CNTLN: variants seen among roughly 807,000 people sequenced by gnomAD.
The protein encoded by CNTLN is centlein.
CNTLN carries 212 observed loss-of-function variants against 180.0 expected under a neutral mutation model. That is an observed-to-expected ratio of 1.18 (90% CI 1.05 to 1.32). The LOEUF (loss-of-function observed/expected upper bound fraction) is 1.32. Among genes scored for constraint, CNTLN ranks in the 40% most tolerant of loss-of-function variants. CNTLN has a pLI of 0.00. For missense variants in CNTLN, 2,095 were observed against 1,610.9 expected (o/e 1.30, Z -5.14); for synonymous variants, 722 against 563.1 (o/e 1.28, Z -3.99).
intron 12 of CNTLN, among the ~76,000 whole-genome samples, chr9:17,352,370 C>T (rs1481386189): frequency 6.8e-6 from 1 of 147,984 alleles, no homozygotes; most frequent in African/African-American, 2.5e-5. Flanking sequence ...AAGCAAGACT[C>T]CCAATCTTCT....
intron 7 of CNTLN, among the ~76,000 whole-genome samples, chr9:17,302,297 A>T (rs1160860755): frequency 6.6e-6 from 1 of 151,744 alleles, no homozygotes; most frequent in Non-Finnish European, 1.5e-5. Context: ...CCCAGGCTTC[A>T]AGCAATTCCC....
intron 18 of CNTLN, among the ~76,000 whole-genome samples, chr9:17,423,584 A>G (rs1828878441): frequency 6.6e-6 from 1 of 152,144 alleles, no homozygotes; most frequent in African/African-American, 2.4e-5. Context: ...ACTTCAGTTC[A>G]ACTGGCTCCA....
At chr9:17,433,566 G>A (rs554711029) in intron 18 of CNTLN, among the ~76,000 whole-genome samples, 5 of 151,962 alleles carry the variant, frequency 3.3e-5, no homozygotes, top group South Asian at 2.1e-4. Context: ...GATTACAGGC[G>A]TGAGCCACCG....
At chr9:17,450,995 A>G (rs1830747570) in intron 18 of CNTLN, among the ~76,000 whole-genome samples, 1 of 152,184 alleles carries the variant, frequency 6.6e-6, no homozygotes, top group South Asian at 2.1e-4. Flanking sequence ...TATGGAAAAT[A>G]TTTGTTAATG....
At chr9:17,404,518 G>T (rs746178310) in intron 15 of CNTLN, among the ~76,000 whole-genome samples, 1 of 151,564 alleles carries the variant, frequency 6.6e-6, no homozygotes, top group East Asian at 1.9e-4. Flanking sequence ...GCTAAAAAGC[G>T]TCAAAAGGAG....
Position 17,362,110 on chromosome 9 carries a change from T to C in CNTLN, c.1887-4507T>C, listed in dbSNP as rs541855547. On this transcript the variant is annotated intron_variant, in intron 12 of 25. Coordinates refer to ENST00000380647, the MANE Select transcript of CNTLN (RefSeq NM_017738.4). ...AAAAGTAGGGACTGTGTGTGTTCTT[T>C]CCAAAAGAAACAAGCTGTAAGTATA... is the stretch of plus-strand genomic sequence containing the variant. Among the ~76,000 whole-genome samples the C allele has an allele frequency of 2.8e-4, 43 of 152,294 alleles. 1 individual carries two copies. The highest frequency in any genetic ancestry group is 1.0e-3 in the African/African-American group (42 of 41,544).
chr9:17,309,001 C>G (rs138988934), intron 7 of CNTLN, 57 bp from the exon 8 acceptor site: 10 of 1,198,370 alleles, frequency 8.3e-6, no homozygotes, highest in South Asian at 1.8e-5. Context: ...CACACAGACA[C>G]ACAGACACAT....
chr9:17,235,645 T>A lies in CNTLN; in HGVS notation c.535-13T>A, dbSNP rs79772556. On this transcript the variant is annotated splice_polypyrimidine_tract_variant and intron_variant, in intron 3 of 25. Transcript: ENST00000380647. ...AATAAAAGCTCACCAGTAATTTAAA[T>A]TTTTTTCCACAGAGAGAGTCAGTAC... is the stretch of plus-strand genomic sequence containing the variant. 2.0e-5 allele frequency: 2 copies of A among 100,566 alleles called. No homozygotes were observed. Among genetic ancestry groups the A allele is most frequent in the Non-Finnish European group, 2.3e-5 (2 of 86,558 alleles). 6.2% of individuals were successfully genotyped at this position (100,566 alleles called of 1,614,324 possible).
chr9:17,523,390 C>T, the CNTLN span, among the ~76,000 whole-genome samples: 1 of 152,070 alleles, frequency 6.6e-6, no homozygotes, highest in Non-Finnish European at 1.5e-5. Context: ...GTGTCCACCA[C>T]CACACCTGTC....
intron 3 of CNTLN, among the ~76,000 whole-genome samples, chr9:17,230,831 C>CA (rs1161554461): frequency 2.6e-5 from 4 of 151,996 alleles, no homozygotes. Flanking sequence ...CCTCTGAGTA[C>CA]TGCTTGCCCC....
chr9:17,385,496 T>G (rs1428644373), intron 13 of CNTLN, among the ~76,000 whole-genome samples: 1 of 152,152 alleles, frequency 6.6e-6, no homozygotes, highest in East Asian at 1.9e-4. Flanking sequence ...GAAAGGAGCT[T>G]GTTATGCTTT....
intron 3 of CNTLN, among the ~76,000 whole-genome samples, chr9:17,229,804 G>C (rs1824699435): frequency 6.6e-6 from 1 of 152,036 alleles, no homozygotes; most frequent in African/African-American, 2.4e-5. Flanking sequence ...AAACAGCTGG[G>C]GTAAATAGGT....
chr9:17,410,235 T>G (rs1427873434), intron 16 of CNTLN, among the ~76,000 whole-genome samples: 1 of 152,148 alleles, frequency 6.6e-6, no homozygotes, highest in African/African-American at 2.4e-5. Context: ...CTTTCTCATT[T>G]CAGCTACTTT....
intron 25 of CNTLN, 171 bp downstream of exon 25, chr9:17,487,237 G>C (rs1832939101): frequency 1.6e-6 from 1 of 606,472 alleles, no homozygotes; most frequent in African/African-American, 1.9e-5. Context: ...TGTACTTTGG[G>C]ACTTAACAAA....
intron 5 of CNTLN, among the ~76,000 whole-genome samples, chr9:17,251,525 C>T (rs1826141533): frequency 2.0e-5 from 3 of 151,788 alleles, no homozygotes; most frequent in South Asian, 4.2e-4. Flanking sequence ...GCTGCTGAAC[C>T]CTCTAGTGAA....
chr9:17,519,779 G>T, the CNTLN span, among the ~76,000 whole-genome samples: 1 of 152,156 alleles, frequency 6.6e-6, no homozygotes, highest in Admixed American at 6.5e-5. Flanking sequence ...ATGCAGAGAG[G>T]ATGAGAAGGT....
intron 21 of CNTLN, among the ~76,000 whole-genome samples, chr9:17,465,507 T>C (rs1831695536): frequency 6.6e-6 from 1 of 150,390 alleles, no homozygotes; most frequent in African/African-American, 2.4e-5. Context: ...CTGTTATGCT[T>C]TGAGTTACAT....
chr9:17,305,025 A>T (rs1226418538), intron 7 of CNTLN, among the ~76,000 whole-genome samples: 1 of 152,168 alleles, frequency 6.6e-6, no homozygotes, highest in African/African-American at 2.4e-5. Flanking sequence ...TCAGTGGATA[A>T]CAGAGCATAT....
intron 9 of CNTLN, 97 bp downstream of exon 9, chr9:17,330,905 T>C: frequency 2.6e-6 from 3 of 1,138,692 alleles, no homozygotes; most frequent in Non-Finnish European, 3.8e-6. Context: ...CTTCTCTGCT[T>C]GTATTTCGGG....
Sources: gnomAD v4.1 joint callset for allele counts (sites outside exome capture counted in the v4.1 genomes callset) on GRCh38, gnomAD v4.1.1 for gene constraint, MANE v1.5 for transcripts, NCBI Gene and HGNC (gene_info 2026-07-23, HGNC 2026-07-21) for gene names.